Variants in VAT1L observed in about 807,000 individuals in gnomAD.
VAT1L encodes putative NADPH-dependent quinone oxidoreductase VAT1L.
Under a neutral mutation model 44.1 loss-of-function variants are expected in VAT1L, and 34 were observed. That is an observed-to-expected ratio of 0.77 (90% CI 0.59 to 1.03). The LOEUF is 1.03. VAT1L is among the 50% of genes least tolerant of loss of function. The pLI, the probability that VAT1L is intolerant of heterozygous loss-of-function variation, is 0.00. For synonymous variants in VAT1L, 253 were observed against 202.2 expected (o/e 1.25, Z -2.13); for missense variants, 615 against 538.8 (o/e 1.14, Z -1.40).
chr16:77,972,960 A>C (rs1219587211), intron 8 of VAT1L, among the ~76,000 whole-genome samples: 2 of 152,052 alleles, frequency 1.3e-5, no homozygotes, highest in Non-Finnish European at 2.9e-5. Flanking sequence ...TGCTGGGATT[A>C]TAGGCGTGAG....
intron 7 of VAT1L, among the ~76,000 whole-genome samples, chr16:77,963,639 C>T (rs1222911868): frequency 6.6e-6 from 1 of 151,776 alleles, no homozygotes; most frequent in Non-Finnish European, 1.5e-5. Flanking sequence ...GGGAAAAACC[C>T]ACAGTGTCAC....
At chr16:77,895,123 C>CACACACACACACACACACACACACAT (rs1444617616) in intron 7 of VAT1L, among the ~76,000 whole-genome samples, 1 of 151,780 alleles carries the variant, frequency 6.6e-6, no homozygotes, top group Non-Finnish European at 1.5e-5. Context: ...CACACTCACA[C>CACACACACACACACACACACACACAT]ATTTCCGATT....
At chr16:77,841,151 G>T (rs1393215139) in intron 3 of VAT1L, among the ~76,000 whole-genome samples, 1 of 152,180 alleles carries the variant, frequency 6.6e-6, no homozygotes, top group Non-Finnish European at 1.5e-5. Flanking sequence ...TGCAATCGGG[G>T]CTCACTGCAG....
chr16:77,807,742 T>C (rs972931601), intron 1 of VAT1L, among the ~76,000 whole-genome samples: 4 of 152,118 alleles, frequency 2.6e-5, no homozygotes, highest in Non-Finnish European at 5.9e-5. Flanking sequence ...CTGTTTTACA[T>C]ATACTGTCAC....
At chr16:77,957,511 G>T (rs565030978) in intron 7 of VAT1L, among the ~76,000 whole-genome samples, 1 of 152,046 alleles carries the variant, frequency 6.6e-6, no homozygotes, top group Non-Finnish European at 1.5e-5. Context: ...TAGATCACAA[G>T]GTCAAGAGAT....
At chr16:77,927,047 A>T (rs1480742074) in intron 7 of VAT1L, among the ~76,000 whole-genome samples, 1 of 152,104 alleles carries the variant, frequency 6.6e-6, no homozygotes, top group African/African-American at 2.4e-5. Flanking sequence ...GTACACATCA[A>T]CACTGTTATG....
chr16:77,839,863 A>G (rs917688022), intron 3 of VAT1L, among the ~76,000 whole-genome samples: 2 of 152,208 alleles, frequency 1.3e-5, no homozygotes, highest in Non-Finnish European at 2.9e-5. Context: ...CACATTAAAT[A>G]TGGATTTAAA....
chr16:77,862,690 G>A, intron 3 of VAT1L, 58 bp from the exon 4 acceptor site: 1 of 1,428,684 alleles, frequency 7.0e-7, no homozygotes, highest in Non-Finnish European at 9.5e-7. Context: ...CACCCAGCAA[G>A]ACTGGCTATG....
At chr16:77,865,948 C>T (rs564962289) in intron 4 of VAT1L, among the ~76,000 whole-genome samples, 1 of 152,308 alleles carries the variant, frequency 6.6e-6, no homozygotes, top group East Asian at 1.9e-4. Context: ...TCTTAGCCCC[C>T]ACATCACTGG....
chr16:77,911,138 T>C (rs1412166188), intron 7 of VAT1L, among the ~76,000 whole-genome samples: 6 of 152,198 alleles, frequency 3.9e-5, no homozygotes, highest in Non-Finnish European at 7.3e-5. Context: ...AAGACCAGTG[T>C]TCAAACCAGA....
chr16:77,974,269 C>G lies in VAT1L; in HGVS notation c.1161+2336C>G, dbSNP rs534129131. Among the ~76,000 whole-genome samples, 14 of 152,246 alleles carry G rather than the reference C, an allele frequency of 9.2e-5. No individual in the cohort carries two copies. The East Asian group carries it at 2.7e-3, about 29-fold the overall frequency. On this transcript the variant is annotated intron_variant, in intron 8 of 8. Coordinates refer to ENST00000302536, the MANE Select transcript of VAT1L (RefSeq NM_020927.3). Reference sequence around the variant, plus strand: ...AGTCTCCTGTACACCTCTTTGTAGTCTTTAAACATATGACCAAGTCTCTTT... The same window carrying G: ...AGTCTCCTGTACACCTCTTTGTAGTGTTTAAACATATGACCAAGTCTCTTT...
intron 8 of VAT1L, among the ~76,000 whole-genome samples, chr16:77,973,353 A>C (rs569794393): frequency 2.9e-4 from 44 of 151,334 alleles, no homozygotes; most frequent in Non-Finnish European, 4.3e-4. Context: ...GGCACGATCT[A>C]GGCTCACTGC....
At chr16:77,899,420 A>G (rs533252401) in intron 7 of VAT1L, among the ~76,000 whole-genome samples, 12 of 152,268 alleles carry the variant, frequency 7.9e-5, no homozygotes, top group African/African-American at 2.6e-4. Flanking sequence ...CTGTGATTAG[A>G]CAGGTGACAC....
chr16:77,926,950 G>C (rs147954510), intron 7 of VAT1L, among the ~76,000 whole-genome samples: 5 of 152,208 alleles, frequency 3.3e-5, no homozygotes, highest in Non-Finnish European at 5.9e-5. Context: ...AGATTGTCAA[G>C]GACCATTACA....
chr16:77,880,714 C>T (rs1273964036), intron 6 of VAT1L, among the ~76,000 whole-genome samples: 4 of 147,588 alleles, frequency 2.7e-5, no homozygotes, highest in Non-Finnish European at 4.4e-5. Context: ...CTCTCATTCA[C>T]ATAGTGAGCA....
In VAT1L at chr16:77,890,815, T is replaced by G. The variant is rs1264593990; in HGVS notation, c.1077+6013T>G. On this transcript the variant is annotated intron_variant, in intron 7 of 8. Coordinates refer to ENST00000302536, the MANE Select transcript of VAT1L (RefSeq NM_020927.3). ...GGTACACACCTGTGGTCCCAGGTAC[T>G]CAGGAGGCTGAGGTGGGAGGATGAC... Among the ~76,000 whole-genome samples the G allele has an allele frequency of 2.6e-5, 4 of 151,606 alleles. No homozygotes were observed. In the East Asian group the frequency reaches 7.8e-4, roughly 30 times the overall value.
intron 7 of VAT1L, among the ~76,000 whole-genome samples, chr16:77,925,459 T>C (rs2017655764): frequency 1.3e-5 from 2 of 152,162 alleles, no homozygotes; most frequent in African/African-American, 4.8e-5. Context: ...TGGAAAGGGT[T>C]GTTTCGGGGT....
chr16:77,802,474 G>T (rs2016075974), intron 1 of VAT1L, among the ~76,000 whole-genome samples: 1 of 152,086 alleles, frequency 6.6e-6, no homozygotes. Context: ...AATTAGCCAG[G>T]TGTGGTGGCA....
intron 7 of VAT1L, among the ~76,000 whole-genome samples, chr16:77,931,854 T>TA (rs2017735702): frequency 6.6e-6 from 1 of 152,206 alleles, no homozygotes; most frequent in Admixed American, 6.5e-5. Context: ...GAAAATCACC[T>TA]AAGCAACTAT....
Sources: allele counts gnomAD v4.1 joint callset (sites outside exome capture counted in the v4.1 genomes callset), GRCh38; gene constraint gnomAD v4.1.1; transcripts MANE v1.5; gene names NCBI Gene and HGNC (gene_info 2026-07-23, HGNC 2026-07-21).